Variants in LRRC7 observed in about 807,000 individuals in gnomAD.
LRRC7 encodes leucine rich repeat containing 7, also known as leucine-rich repeat-containing protein 7.
A neutral mutation model predicts 175.7 loss-of-function variants in LRRC7; 23 were observed. The observed-to-expected ratio is 0.13, with a 90% CI of 0.09 to 0.19. The LOEUF (loss-of-function observed/expected upper bound fraction) is 0.19. Among genes scored for constraint, LRRC7 ranks in the 10% least tolerant of loss-of-function variants. LRRC7 has a pLI of 1.00. For synonymous variants in LRRC7, 685 were observed against 680.9 expected, an observed-to-expected ratio of 1.01 and a Z score of -0.09; for missense variants, 1,354 against 1,904.7, an observed-to-expected ratio of 0.71 and a Z score of 5.38.
At chr1:70,052,817 T>G (rs1205145069) in intron 22 of LRRC7, among the ~76,000 whole-genome samples, 1 of 152,156 alleles carries the variant, frequency 6.6e-6, no homozygotes, top group Admixed American at 6.6e-5. Flanking sequence ...CTAAGATGGT[T>G]ATTTTAATTG....
intron 2 of LRRC7, among the ~76,000 whole-genome samples, chr1:69,719,763 A>T (rs1238041427): frequency 6.6e-6 from 1 of 151,736 alleles, no homozygotes; most frequent in African/African-American, 2.4e-5. Flanking sequence ...AATACAAAAA[A>T]GTATGATGAA....
chr1:69,902,277 G>A (rs1646155831), intron 7 of LRRC7, among the ~76,000 whole-genome samples: 1 of 152,136 alleles, frequency 6.6e-6, no homozygotes, highest in Non-Finnish European at 1.5e-5. Flanking sequence ...AAATTAAAAA[G>A]CTTTAATTGG....
intron 2 of LRRC7, among the ~76,000 whole-genome samples, chr1:69,707,513 T>C (rs1373524864): frequency 1.3e-5 from 2 of 152,128 alleles, no homozygotes; most frequent in Non-Finnish European, 2.9e-5. Flanking sequence ...TGGTGTTTCC[T>C]GGTATTCCCT....
Position 70,133,638 on chromosome 1 carries a change from G to C in LRRC7, c.*11751G>C, listed in dbSNP as rs1294735467. 6.6e-6 allele frequency among the ~76,000 whole-genome samples: 1 copy of C among 152,052 alleles called. No homozygotes were observed. Among genetic ancestry groups the C allele is most frequent in the Non-Finnish European group, 1.5e-5 (1 of 68,028 alleles). On this transcript the variant is annotated 3_prime_UTR_variant, in exon 27 of 27. Coordinates refer to ENST00000651989, the MANE Select transcript of LRRC7 (RefSeq NM_001370785.2). ...AACAAGAGCTTTGAGCTTATTTTAG[G>C]CAGTTTATATGTTTTTTTACTAAAC...
intron 2 of LRRC7, among the ~76,000 whole-genome samples, chr1:69,759,128 G>A (rs1670756291): frequency 6.6e-6 from 1 of 151,920 alleles, no homozygotes; most frequent in South Asian, 2.1e-4. Context: ...TCTTTCCTAG[G>A]AAGACATTCA....
chr1:69,657,267 A>G (rs191388715), intron 1 of LRRC7, among the ~76,000 whole-genome samples: 31 of 152,006 alleles, frequency 2.0e-4, no homozygotes, highest in Admixed American at 4.6e-4. Flanking sequence ...ATAATATTTA[A>G]AAGTATAGTG....
intron 8 of LRRC7, among the ~76,000 whole-genome samples, chr1:69,958,720 C>T (rs1333677232): frequency 6.6e-6 from 1 of 151,912 alleles, no homozygotes; most frequent in African/African-American, 2.4e-5. Flanking sequence ...GAAGTGACCG[C>T]AAAACACATA....
intron 4 of LRRC7, among the ~76,000 whole-genome samples, chr1:69,805,621 A>G (rs188829331): frequency 2.0e-5 from 3 of 151,978 alleles, no homozygotes; most frequent in Admixed American, 2.0e-4. Flanking sequence ...CCCTTTGTAC[A>G]GAATCTACTT....
intron 4 of LRRC7, among the ~76,000 whole-genome samples, chr1:69,818,622 T>C (rs1289209597): frequency 6.6e-6 from 1 of 152,098 alleles, no homozygotes; most frequent in Non-Finnish European, 1.5e-5. Flanking sequence ...AATGCTAGTC[T>C]TCGAAATTGG....
Position 70,039,149 on chromosome 1 carries a change from A to G in LRRC7, c.3325A>G (p.Ile1109Val). The G allele has an allele frequency of 6.2e-7, 1 of 1,614,148 alleles. No individual in the cohort carries two copies. Among genetic ancestry groups the G allele is most frequent in the Non-Finnish European group, 8.5e-7 (1 of 1,180,008 alleles). ...QASKNIAKDLISPRAYRGYPP... is the reference protein window; with the variant it reads ...QASKNIAKDLVSPRAYRGYPP... ...CAGCAAAAACATCGCCAAGGATTTG[A>G]TTAGTCCTAGAGCTTACAGAGGATA... Residue 1109 changes from isoleucine (I) to valine (V), a missense_variant, in exon 21 of 27, where the codon ATT (isoleucine) becomes GTT (valine). Ile to Val is a conservative substitution (Grantham distance 29). Transcript: ENST00000651989.
At chr1:69,984,338 T>C (rs539725482) in intron 9 of LRRC7, among the ~76,000 whole-genome samples, 42 of 152,246 alleles carry the variant, frequency 2.8e-4, no homozygotes, top group African/African-American at 9.9e-4. Flanking sequence ...ATAAAGTACT[T>C]AGTATAGTGC....
At chr1:70,002,663 C>T (rs1655642556) in intron 11 of LRRC7, among the ~76,000 whole-genome samples, 1 of 152,116 alleles carries the variant, frequency 6.6e-6, no homozygotes, top group East Asian at 1.9e-4. Context: ...CTGGCTCCTC[C>T]ACCCATTCAC....
At chr1:69,762,083 T>TA (rs1198492949) in intron 3 of LRRC7, among the ~76,000 whole-genome samples, 1 of 151,982 alleles carries the variant, frequency 6.6e-6, no homozygotes, top group African/African-American at 2.4e-5. Context: ...ACATTTACAC[T>TA]AAAAAAATTT....
At chr1:69,848,975 A>G (rs551772176) in intron 7 of LRRC7, among the ~76,000 whole-genome samples, 2 of 152,188 alleles carry the variant, frequency 1.3e-5, no homozygotes, top group Non-Finnish European at 2.9e-5. Flanking sequence ...CATTGTGTTT[A>G]GTTTTATATT....
At chr1:69,645,426 T>C (rs1166348169) in intron 1 of LRRC7, among the ~76,000 whole-genome samples, 2 of 152,098 alleles carry the variant, frequency 1.3e-5, no homozygotes, top group African/African-American at 4.8e-5. Context: ...CTGTAATGTT[T>C]CCTTCATTTT....
chr1:69,626,699 T>A (rs1444782280), intron 1 of LRRC7, among the ~76,000 whole-genome samples: 1 of 146,176 alleles, frequency 6.8e-6, no homozygotes, highest in Non-Finnish European at 1.5e-5. Flanking sequence ...TATCTCCTAA[T>A]GCTATCCCTC....
Position 70,089,714 on chromosome 1 carries a change from C to T in LRRC7, c.4453-13C>T, listed in dbSNP as rs374484036. 1.3e-6 allele frequency: 2 copies of T among 1,549,540 alleles called. No individual in the cohort carries two copies. Among genetic ancestry groups the T allele is most frequent in the Admixed American group, 1.8e-5 (1 of 55,636 alleles). ...TAACTGTTTACTTACCATTTTATAT[C>T]TTTTTTACATAGTTTTGTGTGAGAA... On this transcript the variant is annotated splice_polypyrimidine_tract_variant and intron_variant, in intron 24 of 26. Transcript: ENST00000651989.
chr1:69,589,865 G>A (rs1646563208), intron 1 of LRRC7, among the ~76,000 whole-genome samples: 1 of 152,018 alleles, frequency 6.6e-6, no homozygotes, highest in Non-Finnish European at 1.5e-5. Flanking sequence ...ATTTCTCCTA[G>A]CTTGATACAT....
intron 2 of LRRC7, among the ~76,000 whole-genome samples, chr1:69,724,484 T>C (rs1289168621): frequency 6.6e-6 from 1 of 152,220 alleles, no homozygotes; most frequent in Non-Finnish European, 1.5e-5. Context: ...TAAACATTGC[T>C]TATGATAATT....
Sources: allele counts gnomAD v4.1 joint callset (sites outside exome capture counted in the v4.1 genomes callset), GRCh38; gene constraint gnomAD v4.1.1; transcripts MANE v1.5; gene names NCBI Gene and HGNC (gene_info 2026-07-23, HGNC 2026-07-21).